DMD: variants seen among roughly 807,000 people sequenced by gnomAD.
The protein encoded by DMD is mutant dystrophin.
A neutral mutation model predicts 330.1 loss-of-function variants in DMD; 63 were observed. The observed-to-expected ratio is 0.19, with a 90% CI of 0.16 to 0.24. DMD has a LOEUF of 0.24. Ranked by LOEUF, DMD falls within the 10% of genes least tolerant of loss-of-function variation. The pLI is 1.00. For synonymous variants in DMD, 1,223 were observed against 959.8 expected (o/e 1.27, Z -5.07); for missense variants, 3,344 against 2,684.1 (o/e 1.25, Z -5.43).
chrX:31,355,895 G>A (rs893409965), intron 60 of DMD, among the ~76,000 whole-genome samples: 11 of 107,828 alleles, frequency 1.0e-4, no homozygotes, highest in Admixed American at 5.1e-4. Flanking sequence ...TCTGAGATAA[G>A]TTCTGGTCTT....
intron 66 of DMD, 137 bp downstream of exon 66, chrX:31,206,445 A>G (rs1388624510): frequency 1.8e-6 from 1 of 561,602 alleles, no homozygotes; most frequent in East Asian, 3.7e-5. Flanking sequence ...ACCAAATTTT[A>G]TGACACTCTA....
intron 62 of DMD, among the ~76,000 whole-genome samples, chrX:31,315,882 T>A (rs1047610950): frequency 8.9e-6 from 1 of 112,113 alleles, no homozygotes; most frequent in African/African-American, 3.2e-5. Context: ...CAATGCTCAG[T>A]GAAAAACAGT....
In DMD at chrX:33,086,660, T is replaced by C. The variant is rs770918567; in HGVS notation, c.32-66460A>G. Among the ~76,000 whole-genome samples the C allele has an allele frequency of 7.2e-5, 8 of 110,525 alleles. No individual in the cohort carries two copies. The Admixed American group carries it at 7.8e-4, about 11-fold the overall frequency. On this transcript the variant is annotated intron_variant, in intron 1 of 78. Coordinates refer to ENST00000357033, the MANE Select transcript of DMD (RefSeq NM_004006.3). ...CTTCCAAACTAAAATATTAAACACT[T>C]TAGAAAGACTGACCCAATATTAAAA...
intron 63 of DMD, among the ~76,000 whole-genome samples, chrX:31,228,559 C>T (rs907723764): frequency 5.4e-5 from 6 of 111,998 alleles, no homozygotes; most frequent in African/African-American, 1.6e-4. Context: ...TGCAATACAG[C>T]TGTGAACAAT....
At chrX:31,946,192 C>G (rs765957193) in intron 45 of DMD, among the ~76,000 whole-genome samples, 10 of 111,788 alleles carry the variant, frequency 8.9e-5, no homozygotes, top group Admixed American at 4.7e-4. Flanking sequence ...GTGAGTCCCT[C>G]TGAGTAAGTA....
At chrX:31,213,863 T>C (rs2045031109) in intron 64 of DMD, among the ~76,000 whole-genome samples, 1 of 112,089 alleles carries the variant, frequency 8.9e-6, no homozygotes, top group Non-Finnish European at 1.9e-5. Context: ...AAGATTCTGA[T>C]AAAAGGGATG....
chrX:33,056,026 C>T (rs1045546304), intron 1 of DMD, among the ~76,000 whole-genome samples: 4 of 109,797 alleles, frequency 3.6e-5, no homozygotes, highest in African/African-American at 1.3e-4. Flanking sequence ...CTCCGCACAG[C>T]CCGAGAATTT....
chrX:32,842,295 A>C (rs1333040452), intron 4 of DMD, among the ~76,000 whole-genome samples: 1 of 112,503 alleles, frequency 8.9e-6, no homozygotes, highest in Non-Finnish European at 1.9e-5. Context: ...GGGACTTCTC[A>C]GGCCCTCGCC....
At chrX:31,587,891 G>A (rs1004038286) in intron 55 of DMD, among the ~76,000 whole-genome samples, 4 of 111,581 alleles carry the variant, frequency 3.6e-5, no homozygotes, top group African/African-American at 9.8e-5. Context: ...GAACTTGTCC[G>A]CCTTTTGGAT....
intron 7 of DMD, among the ~76,000 whole-genome samples, chrX:32,797,000 A>G (rs768299772): frequency 3.6e-5 from 4 of 112,294 alleles, no homozygotes; most frequent in African/African-American, 1.3e-4. Flanking sequence ...TGTCACATGC[A>G]TTTTATATAT....
chrX:33,017,814 A>T (rs7879235), intron 2 of DMD, among the ~76,000 whole-genome samples: 11,210 of 111,216 alleles, frequency 0.1, 767 homozygotes, highest in African/African-American at 0.23. Flanking sequence ...AAAAACTCCC[A>T]AATAACTGTG....
intron 44 of DMD, among the ~76,000 whole-genome samples, chrX:32,018,992 T>A (rs959355176): frequency 8.9e-6 from 1 of 111,778 alleles, no homozygotes; most frequent in Non-Finnish European, 1.9e-5. Flanking sequence ...TTTTTGCAAG[T>A]TCCAGCATCT....
chrX:32,389,803 A>G, intron 31 of DMD, 129 bp from the exon 32 acceptor site: 2 of 679,868 alleles, frequency 2.9e-6, no homozygotes, highest in African/African-American at 4.3e-5. Flanking sequence ...ATAAAGCAGT[A>G]TTTTTCCATT....
At chrX:32,614,242 A>G in intron 12 of DMD, 61 bp downstream of exon 12, 3 of 1,088,456 alleles carry the variant, frequency 2.8e-6, no homozygotes, top group Middle Eastern at 5.0e-4. Flanking sequence ...GTTACTGTGT[A>G]TAGGTACTAT....
Position 32,501,748 on chromosome X carries a change from T to C in DMD, c.2380+7A>G, listed in dbSNP as rs1004796638. 7 of 1,189,916 alleles carry C rather than the reference T, an allele frequency of 5.9e-6. No homozygotes were observed. The highest frequency in any genetic ancestry group is 8.0e-6 in the Non-Finnish European group (7 of 876,390). ...AGAAGATTATCTAAATCAACTCGTG[T>C]AATTACCATTCACCATCTGTTCCAC... On this transcript the variant is annotated splice_region_variant and intron_variant, in intron 19 of 78. Transcript: ENST00000357033.
At chrX:32,924,538 T>TA (rs2088782474) in intron 2 of DMD, among the ~76,000 whole-genome samples, 1 of 111,098 alleles carries the variant, frequency 9.0e-6, no homozygotes, top group African/African-American at 3.3e-5. Context: ...AAGATAAAAA[T>TA]AAAAAATAAA....
At position 32,747,115 on chromosome X, in the gene DMD, G is replaced by T. The variant is rs929041546; in HGVS notation, c.650-47822C>A. Among the ~76,000 whole-genome samples, 12 of 111,731 alleles carry T rather than the reference G, an allele frequency of 1.1e-4. No homozygotes were observed. In the East Asian group the frequency reaches 2.2e-3, roughly 21 times the overall value. The stretch of plus-strand genomic sequence containing the variant: ...TCATTTATCTGTTAATGGACACTTA[G>T]GTTGATTCCGTATCTCAACAATCTG... On this transcript the variant is annotated intron_variant, in intron 7 of 78. Transcript: ENST00000357033.
rs2046033825 is a variant in DMD, at chrX:32,518,047, C to A, written c.2253G>T (p.Arg751=). 1 of 1,210,590 alleles carries A rather than the reference C, an allele frequency of 8.3e-7. No homozygotes were observed. The highest frequency in any genetic ancestry group is 3.0e-5 in the East Asian group (1 of 33,826). ...VLQSPEFAIF[R]KEGNFSDLKE... ...TTAAGTCTGAGAAGTTGCCTTCCTTCCGAAAGATTGCAAATTCAGGACTCT... is the reference window on the plus strand; with the variant it reads ...TTAAGTCTGAGAAGTTGCCTTCCTTACGAAAGATTGCAAATTCAGGACTCT... The change falls in exon 18 of 79, where the codon CGG becomes CGT. Residue 751 remains arginine (R), a synonymous_variant. Transcript: ENST00000357033.
At chrX:32,665,748 C>T (rs750759225) in intron 9 of DMD, among the ~76,000 whole-genome samples, 5 of 112,130 alleles carry the variant, frequency 4.5e-5, no homozygotes, top group Non-Finnish European at 7.5e-5. Context: ...TTTTTACACA[C>T]TACTAAGACC....
Sources: allele counts gnomAD v4.1 joint callset (sites outside exome capture counted in the v4.1 genomes callset), GRCh38; gene constraint gnomAD v4.1.1; transcripts MANE v1.5; gene names NCBI Gene and HGNC (gene_info 2026-07-23, HGNC 2026-07-21).